Variants in TIAM1 observed in about 807,000 individuals in gnomAD.
TIAM1 encodes TIAM Rac1 associated GEF 1.
A neutral mutation model predicts 163.5 loss-of-function variants in TIAM1; 65 were observed. The ratio of observed to expected loss-of-function variants is 0.40; its 90% confidence interval spans 0.33 to 0.49. The LOEUF (loss-of-function observed/expected upper bound fraction) is 0.49. Ranked by LOEUF, TIAM1 falls within the 20% of genes least tolerant of loss-of-function variation. The pLI is 0.77. For missense variants in TIAM1, 1,789 were observed against 2,044.7 expected (o/e 0.87, Z 2.41); for synonymous variants, 833 against 810.1 (o/e 1.03, Z -0.48).
intron 1 of TIAM1, among the ~76,000 whole-genome samples, chr21:31,537,896 T>C (rs749672836): frequency 3.3e-5 from 5 of 152,228 alleles, no homozygotes; most frequent in Admixed American, 6.5e-5. Flanking sequence ...AAAGGCATTA[T>C]TTATCCAAAC....
chr21:31,430,243 TATATAC>T lies in TIAM1; in HGVS notation c.-369+33734_-369+33739del, dbSNP rs1378943330. 4.5e-3 allele frequency among the ~76,000 whole-genome samples: 594 copies of T among 131,124 alleles called. 4 individuals carry two copies. Among genetic ancestry groups the T allele is most frequent in the Admixed American group, 6.0e-3 (74 of 12,304 alleles). 86.0% of individuals were successfully genotyped at this position (131,124 alleles called of 152,430 possible). On this transcript the variant is annotated intron_variant, in intron 2 of 28. Coordinates refer to the TIAM1 transcript ENST00000286827. ...AAAAAAAAATATATATATATATATA[TATATAC>T]ACACACACACACACACACACACACA...
intron 2 of TIAM1, among the ~76,000 whole-genome samples, chr21:31,442,926 A>G (rs2044488301): frequency 6.6e-6 from 1 of 152,250 alleles, no homozygotes; most frequent in South Asian, 2.1e-4. Context: ...CAGGACCTGA[A>G]GAAGTCCCCA....
rs2300334 is a variant in TIAM1, at chr21:31,139,855, C to T, written c.3774+1263G>A. Among the ~76,000 whole-genome samples the T allele has an allele frequency of 1.9e-3, 286 of 152,232 alleles. 4 individuals are homozygous for T. In the East Asian group the frequency reaches 0.034, roughly 18 times the overall value. ...TGTACACTGTCTTTGAGAGCCTGTG[C>T]GATTCTTTGTAAAGTGTAGGTAACA... On this transcript the variant is annotated intron_variant, in intron 22 of 27. Transcript: ENST00000541036.
At chr21:31,130,183 G>A in intron 25 of TIAM1, 30 bp downstream of exon 25, 1 of 1,579,444 alleles carries the variant, frequency 6.3e-7, no homozygotes, top group Non-Finnish European at 8.7e-7. Flanking sequence ...AAATATGTGT[G>A]TGAAATACCC....
intron 16 of TIAM1, among the ~76,000 whole-genome samples, chr21:31,159,871 T>C (rs1225776218): frequency 6.6e-6 from 1 of 152,220 alleles, no homozygotes; most frequent in Non-Finnish European, 1.5e-5. Context: ...ACTGTAGGAA[T>C]AGACCTGTTC....
At chr21:31,351,247 T>C (rs773483899) in intron 2 of TIAM1, among the ~76,000 whole-genome samples, 12 of 152,174 alleles carry the variant, frequency 7.9e-5, no homozygotes, top group Admixed American at 6.5e-5. Context: ...TCATCTGAAG[T>C]CAGAAGGAGT....
chr21:31,211,358 G>A (rs1178411145), intron 10 of TIAM1, among the ~76,000 whole-genome samples: 1 of 152,202 alleles, frequency 6.6e-6, no homozygotes, highest in Non-Finnish European at 1.5e-5. Context: ...AAAGAATGAT[G>A]TTAGATTTCA....
intron 2 of TIAM1, among the ~76,000 whole-genome samples, chr21:31,303,763 A>C (rs1225415872): frequency 6.6e-6 from 1 of 152,108 alleles, no homozygotes; most frequent in Non-Finnish European, 1.5e-5. Flanking sequence ...GGATCACCTG[A>C]GGTCAGGAGT....
chr21:31,176,237 A>C (rs570804074), intron 15 of TIAM1, among the ~76,000 whole-genome samples: 1 of 152,316 alleles, frequency 6.6e-6, no homozygotes, highest in African/African-American at 2.4e-5. Flanking sequence ...TTCAAAATAA[A>C]TCACACAAGA....
At chr21:31,290,736 C>T (rs1027637344) in intron 2 of TIAM1, among the ~76,000 whole-genome samples, 2 of 150,948 alleles carry the variant, frequency 1.3e-5, no homozygotes, top group Non-Finnish European at 2.9e-5. Context: ...CTGCTGATGG[C>T]GACTGCTTTT....
At chr21:31,445,218 A>C (rs77621814) in intron 2 of TIAM1, among the ~76,000 whole-genome samples, 61 of 152,258 alleles carry the variant, frequency 4.0e-4, no homozygotes, top group East Asian at 3.7e-3. Flanking sequence ...CAACACACGG[A>C]AACTCCAAGG....
chr21:31,189,072 T>C (rs13051003), intron 13 of TIAM1, among the ~76,000 whole-genome samples: 1 of 129,008 alleles, frequency 7.8e-6, no homozygotes, highest in Admixed American at 8.9e-5. Flanking sequence ...TTTTTTTTTT[T>C]GAGATGGAGT....
chr21:31,351,265 T>C (rs935096292), intron 2 of TIAM1, among the ~76,000 whole-genome samples: 8 of 152,204 alleles, frequency 5.3e-5, no homozygotes, highest in Non-Finnish European at 2.9e-5. Context: ...AGTAAGTGAC[T>C]TGTTCAAGCT....
intron 1 of TIAM1, among the ~76,000 whole-genome samples, chr21:31,487,782 C>A (rs899126865): frequency 6.6e-6 from 1 of 151,848 alleles, no homozygotes; most frequent in Non-Finnish European, 1.5e-5. Context: ...TGGTCTCGAT[C>A]TCCTGACCTC....
intron 16 of TIAM1, chr21:31,160,657 T>C (rs1452290984): frequency 2.5e-6 from 1 of 396,108 alleles, no homozygotes; most frequent in Non-Finnish European, 4.4e-6. Flanking sequence ...CATCCTCTCA[T>C]ATGGACGTCC....
intron 2 of TIAM1, among the ~76,000 whole-genome samples, chr21:31,285,163 G>A (rs1202537801): frequency 6.6e-6 from 1 of 151,818 alleles, no homozygotes; most frequent in Non-Finnish European, 1.5e-5. Context: ...GTGGTCATCA[G>A]CTATGATTTC....
Position 31,266,915 on chromosome 21 carries a change from T to G in TIAM1, c.58A>C (p.Ser20Arg). The change falls in exon 4 of 28, where the codon AGC becomes CGC. Residue 20 changes from serine (S) to arginine (R), a missense_variant. Ser to Arg is a moderately radical substitution (Grantham distance 110). Coordinates refer to ENST00000541036, the MANE Select transcript of TIAM1 (RefSeq NM_001353694.2). ...CGGGAAGTGTGCTTGCGCCCCAGGC[T>G]GGCATGCTTTTCTCCATAAAACTCG... ...EHEFYGEKHA[S>R]LGRKHTSRSL... 6.2e-7 allele frequency: 1 copy of G among 1,612,022 alleles called. No homozygotes were observed.
chr21:31,293,453 A>T (rs2074110660), intron 2 of TIAM1, among the ~76,000 whole-genome samples: 1 of 152,242 alleles, frequency 6.6e-6, no homozygotes, highest in Non-Finnish European at 1.5e-5. Flanking sequence ...CAACCTACCA[A>T]GTTGACAGAT....
intron 2 of TIAM1, among the ~76,000 whole-genome samples, chr21:31,369,322 T>C (rs1049716075): frequency 1.3e-5 from 2 of 151,916 alleles, no homozygotes; most frequent in African/African-American, 2.4e-5. Flanking sequence ...TTGGTCTCAA[T>C]GTCTGTGTGC....
Sources: allele counts gnomAD v4.1 joint callset (sites outside exome capture counted in the v4.1 genomes callset), GRCh38; gene constraint gnomAD v4.1.1; transcripts MANE v1.5; gene names NCBI Gene and HGNC (gene_info 2026-07-23, HGNC 2026-07-21).